The following SMIM35 variants were observed in gnomAD, a reference collection of about 807,000 sequenced individuals.
SMIM35 encodes small integral membrane protein 35, also known as TMPRSS4 antisense RNA 1 (non-protein coding).
chr11:118,025,081 G>T (rs1412330645), intron 1 of SMIM35, among the ~76,000 whole-genome samples: 2 of 152,100 alleles, frequency 1.3e-5, no homozygotes, highest in African/African-American at 2.4e-5. Flanking sequence ...CATCAATTTT[G>T]CTGCAAAGGA....
At chr11:118,023,345 C>T (rs1056999387) in intron 1 of SMIM35, among the ~76,000 whole-genome samples, 3 of 151,860 alleles carry the variant, frequency 2.0e-5, no homozygotes, top group Non-Finnish European at 4.4e-5. Flanking sequence ...TATAAAAGAC[C>T]CTTTTTTTCT....
chr11:118,017,807 T>C (rs1035617778), intron 1 of SMIM35, among the ~76,000 whole-genome samples: 5 of 152,102 alleles, frequency 3.3e-5, no homozygotes, highest in African/African-American at 9.7e-5. Context: ...AACACGTCCT[T>C]CTTCACATGA....
chr11:118,040,636 T>G (rs925011841), intron 1 of SMIM35, among the ~76,000 whole-genome samples: 5 of 152,190 alleles, frequency 3.3e-5, no homozygotes, highest in Admixed American at 2.0e-4. Context: ...CATGCTAATT[T>G]GAATACGTAC....
In SMIM35 at chr11:118,027,016, C is replaced by CTTTTTTTTTTTTTT. The variant is rs60864416; in HGVS notation, c.8-11221_8-11208dup. On this transcript the variant is annotated intron_variant, in intron 1 of 4. Coordinates refer to ENST00000689828, the MANE Select transcript of SMIM35 (RefSeq NM_001394165.1). ...ATTTTTTAAAAATCCACCACCACCA[C>CTTTTTTTTTTTTTT]TTTTTTTTTTTTTTTTTTTTTTGAG... Among the ~76,000 whole-genome samples the CTTTTTTTTTTTTTT allele has an allele frequency of 2.5e-4, 23 of 93,248 alleles. 1 individual carries two copies. The highest frequency in any genetic ancestry group is 8.3e-4 in the East Asian group (2 of 2,408). 61.2% of individuals were successfully genotyped at this position (93,248 alleles called of 152,430 possible). A position where few individuals can be genotyped will look rare whatever the true frequency, so the allele number is the denominator to read the frequency against.
intron 4 of SMIM35, among the ~76,000 whole-genome samples, chr11:118,011,410 G>A (rs1370090531): frequency 1.3e-5 from 2 of 152,208 alleles, no homozygotes; most frequent in Non-Finnish European, 2.9e-5. Context: ...ATTGGGGCCG[G>A]GCCAGGTGCA....
chr11:118,048,945 G>GAAAAAAAAAAAAAAAAAAAAAAAAAAA (rs1565391493), intron 1 of SMIM35, among the ~76,000 whole-genome samples: 1 of 14,174 alleles, frequency 7.1e-5, no homozygotes, highest in African/African-American at 2.4e-4. Context: ...CTGAAGAGCT[G>GAAAAAAAAAAAAAAAAAAAAAAAAAAA]CAAAAAAAAA....
At chr11:118,052,382 G>A (rs1944231189) in intron 1 of SMIM35, among the ~76,000 whole-genome samples, 1 of 152,142 alleles carries the variant, frequency 6.6e-6, no homozygotes, top group South Asian at 2.1e-4. Flanking sequence ...GGCCCTGCAG[G>A]GAAGCAGGGA....
intron 1 of SMIM35, among the ~76,000 whole-genome samples, chr11:118,037,431 TC>T: frequency 6.6e-6 from 1 of 152,228 alleles, no homozygotes; most frequent in East Asian, 1.9e-4. Context: ...AAGGGGAGAA[TC>T]CAGGGCATCC....
intron 1 of SMIM35, among the ~76,000 whole-genome samples, chr11:118,040,745 T>C (rs1483209760): frequency 1.3e-5 from 2 of 152,114 alleles, no homozygotes; most frequent in African/African-American, 4.8e-5. Flanking sequence ...CAAAATTATA[T>C]ATATGTAAAA....
In SMIM35 at chr11:118,039,292, G is replaced by T. The variant is rs1459813369; in HGVS notation, c.8-23483C>A. ...CCCAGTTATCTCAACAGGTAGCTTT[G>T]GTGGGAGACGTATAACATTAAGGCT... On this transcript the variant is annotated intron_variant, in intron 1 of 4. Transcript: ENST00000689828. 2.0e-5 allele frequency among the ~76,000 whole-genome samples: 3 copies of T among 152,202 alleles called. No individual in the cohort carries two copies. The East Asian group carries it at 5.8e-4, about 29-fold the overall frequency.
rs747426376 is a variant in SMIM35, at chr11:118,033,576, A to C, written c.8-17767T>G. On this transcript the variant is annotated intron_variant, in intron 1 of 4. Transcript: ENST00000689828. ...GAAAATGTCCCTGTAAAATCAAGAAAGTTTAGGGCAAGGCCTGCACTTACT... is the reference window on the plus strand; with the variant it reads ...GAAAATGTCCCTGTAAAATCAAGAACGTTTAGGGCAAGGCCTGCACTTACT... 5.1e-4 allele frequency among the ~76,000 whole-genome samples: 78 copies of C among 152,260 alleles called. 1 individual carries two copies. The highest frequency in any genetic ancestry group is 1.0e-3 in the Non-Finnish European group (68 of 68,020).
At chr11:118,065,635 A>G (rs1944462083) in intron 1 of SMIM35, among the ~76,000 whole-genome samples, 1 of 152,182 alleles carries the variant, frequency 6.6e-6, no homozygotes, top group Non-Finnish European at 1.5e-5. Flanking sequence ...ACAACCAATC[A>G]GACTGATTGT....
At chr11:118,054,162 TTGTTTTG>T (rs1173470215) in intron 1 of SMIM35, among the ~76,000 whole-genome samples, 5 of 113,512 alleles carry the variant, frequency 4.4e-5, no homozygotes, top group African/African-American at 6.7e-5. Context: ...TGGGATTTTT[TTGTTTTG>T]TTTTTTTGTT....
In SMIM35 at chr11:118,030,103, C is replaced by T. The variant is rs143064343; in HGVS notation, c.8-14294G>A. On this transcript the variant is annotated intron_variant, in intron 1 of 4. Transcript: ENST00000689828. ...AGGCTGGAGTGCAGTGGCGTGATCT[C>T]GGCTCACTGCAAACTCTGTCTCCCA... is the stretch of plus-strand genomic sequence containing the variant. Among the ~76,000 whole-genome samples, 24 of 152,018 alleles carry T rather than the reference C, an allele frequency of 1.6e-4. 1 individual carries two copies. In the East Asian group the frequency reaches 1.9e-3, roughly 12 times the overall value.
chr11:118,046,449 G>A (rs971749170), intron 1 of SMIM35, among the ~76,000 whole-genome samples: 2 of 152,028 alleles, frequency 1.3e-5, no homozygotes, highest in Admixed American at 6.6e-5. Flanking sequence ...CCAAAAAACT[G>A]TAAGTCCTGG....
chr11:118,072,182 C>A (rs1944581773), intron 1 of SMIM35, among the ~76,000 whole-genome samples: 1 of 152,126 alleles, frequency 6.6e-6, no homozygotes, highest in African/African-American at 2.4e-5. Context: ...ATACTGAGAT[C>A]AAATGCACAA....
intron 1 of SMIM35, among the ~76,000 whole-genome samples, chr11:118,020,852 T>C (rs1267324009): frequency 6.6e-6 from 1 of 152,224 alleles, no homozygotes; most frequent in Non-Finnish European, 1.5e-5. Flanking sequence ...ACTTCCAGTA[T>C]AATGTACCTT....
intron 1 of SMIM35, among the ~76,000 whole-genome samples, chr11:118,074,747 A>C (rs1944627961): frequency 1.7e-5 from 1 of 59,402 alleles, no homozygotes; most frequent in East Asian, 3.7e-4. Context: ...ACCCTGTCTC[A>C]GAAAAAAAAA....
chr11:118,017,263 G>A (rs1158223264), intron 1 of SMIM35, among the ~76,000 whole-genome samples: 2 of 152,210 alleles, frequency 1.3e-5, no homozygotes, highest in East Asian at 3.8e-4. Context: ...CGAGCCCCGG[G>A]AAGGCAATAG....
Sources: allele counts gnomAD v4.1 joint callset (sites outside exome capture counted in the v4.1 genomes callset), GRCh38; gene constraint gnomAD v4.1.1; transcripts MANE v1.5; gene names NCBI Gene and HGNC (gene_info 2026-07-23, HGNC 2026-07-21).